SEPTIN9: variants seen among roughly 807,000 people sequenced by gnomAD.
The protein encoded by SEPTIN9 is septin-9.
A neutral mutation model predicts 56.6 loss-of-function variants in SEPTIN9; 13 were observed. That is an observed-to-expected ratio of 0.23 (90% confidence interval 0.15 to 0.37). SEPTIN9 has a LOEUF of 0.37. SEPTIN9 is among the 10% of genes least tolerant of loss of function. SEPTIN9 has a pLI of 1.00. For synonymous variants in SEPTIN9, 332 were observed against 334.1 expected (o/e 0.99, Z 0.07); for missense variants, 650 against 823.1 (o/e 0.79, Z 2.57).
At chr17:77,426,633 A>G (rs1375539980) in intron 3 of SEPTIN9, among the ~76,000 whole-genome samples, 3 of 151,890 alleles carry the variant, frequency 2.0e-5, no homozygotes, top group East Asian at 1.9e-4. Flanking sequence ...CCCTCCCTAG[A>G]CCTCCTGGCC....
chr17:77,306,396 C>T (rs1424181217), intron 1 of SEPTIN9, among the ~76,000 whole-genome samples: 4 of 152,350 alleles, frequency 2.6e-5, no homozygotes, highest in East Asian at 3.9e-4. Context: ...AGGGCCGCTC[C>T]TCCTGGCAGC....
rs2039865747 is a variant in SEPTIN9, at chr17:77,487,931, A to G, written c.1043-309A>G. Among the ~76,000 whole-genome samples the G allele has an allele frequency of 1.3e-5, 2 of 152,268 alleles. No individual in the cohort carries two copies. The highest frequency in any genetic ancestry group is 6.5e-5 in the Admixed American group (1 of 15,308). Reference sequence around the variant, plus strand: ...AAGACGGGGACTCGCTGTGCCCACCATCCCCAGCATGTTGAGCATGTTGGG... The same window carrying G: ...AAGACGGGGACTCGCTGTGCCCACCGTCCCCAGCATGTTGAGCATGTTGGG... On this transcript the variant is annotated intron_variant, in intron 5 of 11. Coordinates refer to ENST00000427177, the MANE Select transcript of SEPTIN9 (RefSeq NM_001113491.2). This position sits in a 1 kb window ranked among gnomAD's most constrained non-coding sequence, Gnocchi z 4.3.
At chr17:77,312,375 C>T (rs1026747644) in intron 2 of SEPTIN9, among the ~76,000 whole-genome samples, 1 of 152,218 alleles carries the variant, frequency 6.6e-6, no homozygotes, top group Non-Finnish European at 1.5e-5. Flanking sequence ...GGCCCTGATA[C>T]CGCTTTCCAG....
intron 11 of SEPTIN9, chr17:77,497,590 T>C (rs1166294471): frequency 8.3e-6 from 5 of 605,972 alleles, no homozygotes; most frequent in Non-Finnish European, 1.2e-5. Context: ...CCTGCGAAGT[T>C]GGCTGGATGG....
chr17:77,443,889 A>G (rs1029672479), intron 3 of SEPTIN9, among the ~76,000 whole-genome samples: 1 of 152,210 alleles, frequency 6.6e-6, no homozygotes, highest in Non-Finnish European at 1.5e-5. Flanking sequence ...TAGGGCGAGC[A>G]CTTCTTAGAA....
chr17:77,309,199 C>T (rs2032385380), intron 2 of SEPTIN9, among the ~76,000 whole-genome samples: 1 of 152,260 alleles, frequency 6.6e-6, no homozygotes, highest in Non-Finnish European at 1.5e-5. Flanking sequence ...GACACAGCCT[C>T]CCCCGGCGGT....
chr17:77,284,419 C>T (rs2031178714), intron 1 of SEPTIN9, among the ~76,000 whole-genome samples: 1 of 152,204 alleles, frequency 6.6e-6, no homozygotes, highest in African/African-American at 2.4e-5. Flanking sequence ...TCCAGGCTTT[C>T]CCGATTGCCT....
Position 77,330,131 on chromosome 17 carries a change from C to T in SEPTIN9, c.76+22934C>T, listed in dbSNP as rs867067684. On this transcript the variant is annotated intron_variant, in intron 2 of 11. Coordinates refer to ENST00000427177, the MANE Select transcript of SEPTIN9 (RefSeq NM_001113491.2). This position sits in a 1 kb window ranked among gnomAD's most constrained non-coding sequence, Gnocchi z 4.4. ...TCCCTGCCTCCTGCCTCCTCTCCTT[C>T]GGGACAGACCCCTGTGATCGCTGGG... 1.3e-5 allele frequency among the ~76,000 whole-genome samples: 2 copies of T among 152,350 alleles called. No homozygotes were observed. The highest frequency in any genetic ancestry group is 2.4e-5 in the African/African-American group (1 of 41,582).
chr17:77,408,779 G>A (rs534839132), intron 3 of SEPTIN9, among the ~76,000 whole-genome samples: 65 of 152,246 alleles, frequency 4.3e-4, no homozygotes, highest in Non-Finnish European at 8.5e-4. Context: ...GGTGACCACT[G>A]TGATTTAGGG....
chr17:77,325,655 G>A (rs1055865787), intron 2 of SEPTIN9, among the ~76,000 whole-genome samples: 2 of 152,218 alleles, frequency 1.3e-5, no homozygotes, highest in African/African-American at 4.8e-5. Flanking sequence ...TGTGCTTCAG[G>A]CCATGGAGGC....
rs557243363 is a variant in SEPTIN9 at position 77,326,213 on chromosome 17, C to CTCAT, written c.76+19028_76+19031dup. Reference sequence around the variant, plus strand: ...CAAAATAAACCTCCCTTGCCGGTCACTCATTCATTCATTCAGCATTGGGTG... The same window carrying CTCAT: ...CAAAATAAACCTCCCTTGCCGGTCACTCATTCATTCATTCATTCAGCATTGGGTG... On this transcript the variant is annotated intron_variant, in intron 2 of 11. Coordinates refer to ENST00000427177, the MANE Select transcript of SEPTIN9 (RefSeq NM_001113491.2). The surrounding 1 kb of genome is among the most constrained non-coding windows in gnomAD (Gnocchi z 5.1). 1.1e-3 allele frequency among the ~76,000 whole-genome samples: 174 copies of CTCAT among 152,338 alleles called. 5 individuals carry two copies. In the South Asian group the frequency reaches 0.028, roughly 24 times the overall value.
At chr17:77,455,327 C>G (rs568372810) in intron 3 of SEPTIN9, among the ~76,000 whole-genome samples, 5 of 152,178 alleles carry the variant, frequency 3.3e-5, no homozygotes, top group African/African-American at 9.7e-5. Context: ...GGGGGCCCTT[C>G]GCTCTCTGTC....
At chr17:77,480,791 G>A (rs553155293) in intron 3 of SEPTIN9, among the ~76,000 whole-genome samples, 2 of 152,188 alleles carry the variant, frequency 1.3e-5, no homozygotes, top group Admixed American at 6.5e-5. Context: ...CTGTCTTAGC[G>A]CAGGATGCCT....
intron 3 of SEPTIN9, among the ~76,000 whole-genome samples, chr17:77,440,524 GA>G (rs1220635936): frequency 6.6e-6 from 1 of 152,234 alleles, no homozygotes; most frequent in African/African-American, 2.4e-5. Flanking sequence ...TTAAGGCACA[GA>G]TACATGAAGC....
chr17:77,456,498 C>T lies in SEPTIN9; in HGVS notation c.722-25646C>T, dbSNP rs1319047267. 6.6e-6 allele frequency: 1 copy of T among 152,580 alleles called. No homozygotes were observed. The highest frequency in any genetic ancestry group is 2.4e-5 in the African/African-American group (1 of 41,422). 9.5% of individuals were successfully genotyped at this position (152,580 alleles called of 1,614,324 possible). A position where few individuals can be genotyped will look rare whatever the true frequency, so the allele number is the denominator to read the frequency against. On this transcript the variant is annotated intron_variant, in intron 3 of 11. Transcript: ENST00000427177. The surrounding 1 kb of genome is among the most constrained non-coding windows in gnomAD (Gnocchi z 6.0). ...TCAGGATCCTCCAGCACCAGGTCCC[C>T]ACCACCAGGTATGGGCCCCACAGGC...
rs2036867914 is a variant in SEPTIN9 at position 77,425,425 on chromosome 17, G to A, written c.721+22722G>A. On this transcript the variant is annotated intron_variant, in intron 3 of 11. Coordinates refer to ENST00000427177, the MANE Select transcript of SEPTIN9 (RefSeq NM_001113491.2). This position sits in a 1 kb window ranked among gnomAD's most constrained non-coding sequence, Gnocchi z 4.2. ...GGGGATGTGACCGTGTCCCCAGGGT[G>A]AAGCCCACCCGAGTGTCACTCTGGA... Among the ~76,000 whole-genome samples the A allele has an allele frequency of 6.6e-6, 1 of 152,202 alleles. No individual in the cohort carries two copies. The highest frequency in any genetic ancestry group is 1.5e-5 in the Non-Finnish European group (1 of 68,036).
chr17:77,421,685 T>C lies in SEPTIN9; in HGVS notation c.721+18982T>C, dbSNP rs1038385467. The stretch of plus-strand genomic sequence containing the variant: ...CTGGAGTGGCTCCTCCACGGTGGAT[T>C]GGGCTGAGCTCTCTGCCTCGGCCGA... On this transcript the variant is annotated intron_variant, in intron 3 of 11. Transcript: ENST00000427177. The surrounding 1 kb of genome is among the most constrained non-coding windows in gnomAD (Gnocchi z 4.6). Among the ~76,000 whole-genome samples the C allele has an allele frequency of 6.6e-6, 1 of 152,206 alleles. No individual in the cohort carries two copies. Among genetic ancestry groups the C allele is most frequent in the Non-Finnish European group, 1.5e-5 (1 of 68,040 alleles).
chr17:77,497,830 G>T (rs1287943652), intron 11 of SEPTIN9, among the ~76,000 whole-genome samples: 3 of 151,984 alleles, frequency 2.0e-5, no homozygotes, highest in Non-Finnish European at 2.9e-5. Flanking sequence ...TGGGTGGGTG[G>T]TCCCTGGAGT....
At chr17:77,403,109 A>G (rs2035958033) in intron 3 of SEPTIN9, among the ~76,000 whole-genome samples, 1 of 152,056 alleles carries the variant, frequency 6.6e-6, no homozygotes, top group Non-Finnish European at 1.5e-5. Context: ...TGAGACCCCT[A>G]GAAGGGCTGT....
Sources: allele counts gnomAD v4.1 joint callset (sites outside exome capture counted in the v4.1 genomes callset), GRCh38; gene constraint gnomAD v4.1.1; non-coding constraint Gnocchi (gnomAD v3.1); transcripts MANE v1.5; gene names NCBI Gene and HGNC (gene_info 2026-07-23, HGNC 2026-07-21).